RBFOX1: variants seen among roughly 807,000 people sequenced by gnomAD.
The protein encoded by RBFOX1 is RNA binding protein fox-1 homolog 1.
A neutral mutation model predicts 57.7 loss-of-function variants in RBFOX1; 8 were observed. The ratio of observed to expected loss-of-function variants is 0.14; its 90% CI spans 0.08 to 0.25. RBFOX1 has a LOEUF of 0.25. Among genes scored for constraint, RBFOX1 ranks in the 10% least tolerant of loss-of-function variants. The probability of loss-of-function intolerance (pLI) is 1.00; values close to 1 mark genes in which losing one functional copy is unlikely to be tolerated. For missense variants in RBFOX1, 611 were observed against 548.5 expected, an observed-to-expected ratio of 1.11 and a Z score of -1.14; for synonymous variants, 326 against 222.4, an observed-to-expected ratio of 1.47 and a Z score of -4.15.
intron 4 of RBFOX1, among the ~76,000 whole-genome samples, chr16:7,369,483 T>A (rs1452491213): frequency 6.6e-6 from 1 of 152,052 alleles, no homozygotes; most frequent in Non-Finnish European, 1.5e-5. Context: ...AATAATGAGG[T>A]TTTTAATAAC....
intron 4 of RBFOX1, among the ~76,000 whole-genome samples, chr16:7,102,032 G>C (rs550472966): frequency 9.8e-5 from 15 of 152,292 alleles, no homozygotes; most frequent in Admixed American, 7.8e-4. Context: ...TAAGCTACCA[G>C]TGTTTGCACC....
At chr16:7,080,718 C>T (rs754608058) in intron 4 of RBFOX1, among the ~76,000 whole-genome samples, 3 of 152,144 alleles carry the variant, frequency 2.0e-5, no homozygotes, top group African/African-American at 2.4e-5. Context: ...TGCTTCCCAT[C>T]ACAGATGACA....
chr16:6,218,914 G>C (rs1038357953), intron 1 of RBFOX1, among the ~76,000 whole-genome samples: 2 of 151,876 alleles, frequency 1.3e-5, no homozygotes, highest in African/African-American at 4.8e-5. Flanking sequence ...CTTAAGTGCT[G>C]CATGCAAGTA....
chr16:6,687,842 G>A (rs773424497), intron 3 of RBFOX1, among the ~76,000 whole-genome samples: 1 of 152,192 alleles, frequency 6.6e-6, no homozygotes, highest in Non-Finnish European at 1.5e-5. Context: ...CTCCAAAGGA[G>A]TCTGGGAAAT....
intron 3 of RBFOX1, among the ~76,000 whole-genome samples, chr16:6,823,245 GTTTTCTTTTTTTT>G (rs1481261800): frequency 6.0e-5 from 9 of 150,228 alleles, no homozygotes; most frequent in Non-Finnish European, 7.4e-5. Context: ...AAATTGTTTT[GTTTTCTTTTTTTT>G]TTTTCTTTTT....
At chr16:7,638,676 C>T (rs183276417) in intron 11 of RBFOX1, among the ~76,000 whole-genome samples, 450 of 152,272 alleles carry the variant, frequency 3.0e-3, no homozygotes, top group Non-Finnish European at 3.9e-3. Context: ...TCTGTTGCAG[C>T]GACTCAACTC....
chr16:6,054,877 G>C (rs1395270324), intron 1 of RBFOX1, among the ~76,000 whole-genome samples: 1 of 152,076 alleles, frequency 6.6e-6, no homozygotes, highest in Non-Finnish European at 1.5e-5. Context: ...CTGCCTCTTG[G>C]GTTCAAGTGA....
chr16:6,947,240 G>C (rs2079725340), intron 3 of RBFOX1, among the ~76,000 whole-genome samples: 2 of 152,158 alleles, frequency 1.3e-5, no homozygotes, highest in South Asian at 4.1e-4. Context: ...AAAATGATGA[G>C]TCAGAAGCTC....
chr16:6,875,689 C>T (rs1050053550), intron 3 of RBFOX1, among the ~76,000 whole-genome samples: 15 of 152,140 alleles, frequency 9.9e-5, no homozygotes, highest in African/African-American at 3.4e-4. Context: ...CCATAAGCTC[C>T]CCTTCTCTGG....
At chr16:6,887,498 T>A (rs991003992) in intron 3 of RBFOX1, among the ~76,000 whole-genome samples, 3 of 152,226 alleles carry the variant, frequency 2.0e-5, no homozygotes, top group African/African-American at 2.4e-5. Flanking sequence ...ATCCCTGGAA[T>A]CATTAATCAT....
At chr16:7,323,646 T>C (rs2096574248) in intron 4 of RBFOX1, among the ~76,000 whole-genome samples, 2 of 152,220 alleles carry the variant, frequency 1.3e-5, no homozygotes. Context: ...TTCTTGTTAC[T>C]AATGTACTAG....
intron 4 of RBFOX1, among the ~76,000 whole-genome samples, chr16:7,170,353 G>C (rs960702462): frequency 6.6e-6 from 1 of 151,998 alleles, no homozygotes; most frequent in Non-Finnish European, 1.5e-5. Context: ...GCTCACTGCC[G>C]CTTGAACTCC....
downstream of RBFOX1, among the ~76,000 whole-genome samples, chr16:5,603,946 A>G (rs2047463674): frequency 6.8e-6 from 1 of 148,040 alleles, no homozygotes; most frequent in South Asian, 2.1e-4. Context: ...CCTATACCCA[A>G]GGCAGACATT....
intron 3 of RBFOX1, among the ~76,000 whole-genome samples, chr16:5,674,171 T>C (rs1462204379): frequency 2.0e-5 from 3 of 152,206 alleles, no homozygotes; most frequent in Non-Finnish European, 4.4e-5. Flanking sequence ...GTGGGGCATG[T>C]AATTAAGAAG....
chr16:7,535,386 G>A (rs766432295), intron 5 of RBFOX1, among the ~76,000 whole-genome samples: 1 of 152,142 alleles, frequency 6.6e-6, no homozygotes, highest in African/African-American at 2.4e-5. Flanking sequence ...CGAGGATGTT[G>A]GCCAACCAAG....
At chr16:7,487,149 C>T (rs988380347) in intron 4 of RBFOX1, among the ~76,000 whole-genome samples, 5 of 152,296 alleles carry the variant, frequency 3.3e-5, no homozygotes, top group East Asian at 1.9e-4. Context: ...ATTTACCCGC[C>T]TCGGCCTCCA....
At chr16:7,356,988 C>T (rs1217922404) in intron 4 of RBFOX1, among the ~76,000 whole-genome samples, 1 of 152,122 alleles carries the variant, frequency 6.6e-6, no homozygotes, top group African/African-American at 2.4e-5. Flanking sequence ...GCTGAGGGCC[C>T]CTCTGTGCTT....
chr16:5,637,774 G>A (rs1294732016), intron 3 of RBFOX1, among the ~76,000 whole-genome samples: 1 of 152,132 alleles, frequency 6.6e-6, no homozygotes, highest in African/African-American at 2.4e-5. Flanking sequence ...ACATTCCCAT[G>A]CTGAAGACCA....
chr16:5,970,675 C>G (rs2059944543), intron 4 of RBFOX1, among the ~76,000 whole-genome samples: 1 of 152,172 alleles, frequency 6.6e-6, no homozygotes, highest in Non-Finnish European at 1.5e-5. Flanking sequence ...GGACTTAGAC[C>G]TGAGTCATGA....
Sources: gnomAD v4.1 joint callset for allele counts (sites outside exome capture counted in the v4.1 genomes callset) on GRCh38, gnomAD v4.1.1 for gene constraint, MANE v1.5 for transcripts, NCBI Gene and HGNC (gene_info 2026-07-23, HGNC 2026-07-21) for gene names.